The following PSD2 variants were observed in gnomAD, a reference collection of about 807,000 sequenced individuals.
PSD2 encodes the protein PH and SEC7 domain-containing protein 2.
In PSD2, 38 loss-of-function variants were observed where a neutral mutation model predicts 69.8. The observed-to-expected ratio is 0.54, with a 90% confidence interval of 0.42 to 0.71. PSD2 has a LOEUF of 0.71. Among genes scored for constraint, PSD2 ranks in the 30% least tolerant of loss-of-function variants. PSD2 has a pLI of 0.00. For missense variants in PSD2, 943 were observed against 1,014.5 expected (o/e 0.93, Z 0.96); for synonymous variants, 412 against 423.0 (o/e 0.97, Z 0.32).
the PSD2 span, among the ~76,000 whole-genome samples, chr5:139,749,225 C>T: frequency 1.9e-4 from 29 of 152,222 alleles, no homozygotes; most frequent in Non-Finnish European, 3.4e-4. Flanking sequence ...TGGCTTCACT[C>T]TCCCATCTCT....
At chr5:139,793,011 G>A (rs1317093413), upstream of PSD2, among the ~76,000 whole-genome samples, 2 of 151,306 alleles carry the variant, frequency 1.3e-5, no homozygotes, top group East Asian at 3.9e-4. Flanking sequence ...GTAGTGGCAC[G>A]ATCTTGGCTC....
chr5:139,784,642 C>T, the PSD2 span, among the ~76,000 whole-genome samples: 3 of 152,210 alleles, frequency 2.0e-5, no homozygotes, highest in East Asian at 3.8e-4. Context: ...TTCCCTGTTC[C>T]CTTTGCTCCT....
At chr5:139,807,640 G>T (rs1759845528) in intron 1 of PSD2, among the ~76,000 whole-genome samples, 1 of 152,112 alleles carries the variant, frequency 6.6e-6, no homozygotes, top group Non-Finnish European at 1.5e-5. Flanking sequence ...GGAGGTGAGG[G>T]TCAGTGTAAA....
chr5:139,800,469 C>T (rs979872880), intron 1 of PSD2, among the ~76,000 whole-genome samples: 1 of 151,970 alleles, frequency 6.6e-6, no homozygotes, highest in Non-Finnish European at 1.5e-5. Context: ...ACTATGTTGC[C>T]AGAGCTGGTC....
chr5:139,830,626 C>CTCTCTCTTTCTTTCTTTCTTTCTT (rs1760568022), intron 7 of PSD2, among the ~76,000 whole-genome samples: 1 of 97,662 alleles, frequency 1.0e-5, no homozygotes, highest in African/African-American at 5.3e-5. Flanking sequence ...TTCTTTCTTT[C>CTCTCTCTTTCTTTCTTTCTTTCTT]TCTTTCTTTC....
the PSD2 span, among the ~76,000 whole-genome samples, chr5:139,780,129 C>T: frequency 6.6e-6 from 1 of 152,206 alleles, no homozygotes; most frequent in Non-Finnish European, 1.5e-5. Context: ...CCATTTTATA[C>T]TCCCACCAAC....
At chr5:139,803,972 C>A (rs1160656983) in intron 1 of PSD2, among the ~76,000 whole-genome samples, 1 of 152,122 alleles carries the variant, frequency 6.6e-6, no homozygotes, top group Admixed American at 6.5e-5. Context: ...ACCCTACTGC[C>A]CATGCTGCCA....
At chr5:139,832,188 C>T (rs189554488) in intron 7 of PSD2, among the ~76,000 whole-genome samples, 65 of 152,278 alleles carry the variant, frequency 4.3e-4, no homozygotes, top group Non-Finnish European at 7.1e-4. Flanking sequence ...TGCTCCTGAC[C>T]GATGGCTGGG....
chr5:139,788,924 C>A, the PSD2 span, among the ~76,000 whole-genome samples: 1 of 152,240 alleles, frequency 6.6e-6, no homozygotes, highest in African/African-American at 2.4e-5. Flanking sequence ...CCTTGCTGGC[C>A]CCCACAGCCA....
intron 14 of PSD2, 29 bp from the exon 15 acceptor site, chr5:139,842,242 T>C: frequency 6.2e-7 from 1 of 1,603,950 alleles, no homozygotes; most frequent in Non-Finnish European, 8.5e-7. Context: ...TTTTGTTGTC[T>C]TTTGACCTTG....
chr5:139,789,013 C>T, the PSD2 span, among the ~76,000 whole-genome samples: 1 of 152,216 alleles, frequency 6.6e-6, no homozygotes, highest in Non-Finnish European at 1.5e-5. Context: ...GTCACGTTGT[C>T]CTCGTTTGCA....
chr5:139,796,392 G>A (rs1425652833), intron 1 of PSD2, among the ~76,000 whole-genome samples: 1 of 152,228 alleles, frequency 6.6e-6, no homozygotes, highest in Non-Finnish European at 1.5e-5. Context: ...GGGGATCGGG[G>A]CATTGGGTAC....
At chr5:139,831,215 C>T (rs761435925) in intron 7 of PSD2, among the ~76,000 whole-genome samples, 40 of 152,126 alleles carry the variant, frequency 2.6e-4, no homozygotes, top group Non-Finnish European at 4.3e-4. Flanking sequence ...GCCTTCGAAT[C>T]TATTTTGTCA....
Position 139,813,398 on chromosome 5 carries a change from A to G in PSD2, c.461A>G (p.Gln154Arg). ...GAGTCAGAGCTGCTGCGGGGCACCC[A>G]GTACAGCAGCCTCGACTCCCTAGAC... ...ILESELLRGT[Q>R]YSSLDSLDGL... The change falls in exon 3 of 15, where the codon CAG becomes CGG. Residue 154 changes from glutamine to arginine, a missense_variant. Physicochemically the swap from Gln to Arg is conservative, Grantham distance 43. This residue lies in a region of PSD2 where 466 missense variants were observed against 445.0 expected (regional missense o/e 1.05). Transcript: ENST00000274710. 6.2e-7 allele frequency: 1 copy of G among 1,612,802 alleles called. No individual in the cohort carries two copies. The highest frequency in any genetic ancestry group is 1.1e-5 in the South Asian group (1 of 91,034).
At chr5:139,810,122 T>C (rs541520755) in intron 2 of PSD2, among the ~76,000 whole-genome samples, 1 of 152,180 alleles carries the variant, frequency 6.6e-6, no homozygotes, top group African/African-American at 2.4e-5. Flanking sequence ...CCTTTTAAAA[T>C]GCCCAATGTG....
chr5:139,746,370 T>A, the PSD2 span: 1 of 152,178 alleles, frequency 6.6e-6, no homozygotes, highest in African/African-American at 2.4e-5. This position sits in a 1 kb window ranked among gnomAD's most constrained non-coding sequence, Gnocchi z 4.5. Flanking sequence ...TTCAACTTCA[T>A]CAACTCAGCG....
At chr5:139,747,479 C>T in the PSD2 span, among the ~76,000 whole-genome samples, 2 of 152,216 alleles carry the variant, frequency 1.3e-5, no homozygotes, top group African/African-American at 4.8e-5. This position sits in a 1 kb window ranked among gnomAD's most constrained non-coding sequence, Gnocchi z 6.7. Context: ...CTGTCCCTCC[C>T]TCTGGGCTCG....
intron 6 of PSD2, among the ~76,000 whole-genome samples, chr5:139,822,235 G>A (rs1760280221): frequency 6.6e-6 from 1 of 152,242 alleles, no homozygotes. Context: ...CTGCCTGGAA[G>A]TCCCTCCAGC....
chr5:139,836,687 G>A lies in PSD2; in HGVS notation c.1404-124G>A, dbSNP rs1760726557. On this transcript the variant is annotated intron_variant, in intron 9 of 14. Transcript: ENST00000274710. Reference sequence around the variant, plus strand: ...CTGGAATTGGAATCTCTTCATCTCTGCCTCCTGGGGCTGCTCTTCCTCCAT... The same window carrying A: ...CTGGAATTGGAATCTCTTCATCTCTACCTCCTGGGGCTGCTCTTCCTCCAT... The A allele has an allele frequency of 3.9e-6, 3 of 772,418 alleles. No individual in the cohort carries two copies. In the Admixed American group the frequency reaches 7.3e-5, roughly 19 times the overall value. 47.8% of individuals were successfully genotyped at this position (772,418 alleles called of 1,614,324 possible).
Sources: allele counts gnomAD v4.1 joint callset (sites outside exome capture counted in the v4.1 genomes callset), GRCh38; gene constraint gnomAD v4.1.1; regional missense constraint gnomAD v4.1.1; non-coding constraint Gnocchi (gnomAD v3.1); transcripts MANE v1.5; gene names NCBI Gene and HGNC (gene_info 2026-07-23, HGNC 2026-07-21).